Variants in PHLPP2 observed in about 807,000 individuals in gnomAD.
The protein encoded by PHLPP2 is PH domain leucine-rich repeat-containing protein phosphatase 2.
PHLPP2 carries 66 observed loss-of-function variants against 124.9 expected under a neutral mutation model. The observed-to-expected ratio is 0.53, with a 90% CI of 0.43 to 0.65. The LOEUF (loss-of-function observed/expected upper bound fraction) is 0.65, where lower values mean the gene tolerates loss of function less well. Among genes scored for constraint, PHLPP2 ranks in the 30% least tolerant of loss-of-function variants. The probability of loss-of-function intolerance (pLI) is 0.00; values close to 1 mark genes in which losing one functional copy is unlikely to be tolerated. For synonymous variants in PHLPP2, 681 were observed against 624.7 expected (o/e 1.09, Z -1.34); for missense variants, 1,685 against 1,600.4 (o/e 1.05, Z -0.90).
At chr16:71,675,226 G>A (rs1329437746) in intron 9 of PHLPP2, among the ~76,000 whole-genome samples, 1 of 152,072 alleles carries the variant, frequency 6.6e-6, no homozygotes, top group Admixed American at 6.6e-5. Flanking sequence ...CTCGCCTCTG[G>A]AAACACTCAG....
intron 1 of PHLPP2, among the ~76,000 whole-genome samples, chr16:71,717,805 C>CA (rs931682434): frequency 9.2e-5 from 14 of 152,098 alleles, no homozygotes; most frequent in African/African-American, 2.9e-4. Flanking sequence ...TTCACACAAA[C>CA]AAAAAAGTCG....
Position 71,649,954 on chromosome 16 carries a change from A to T in PHLPP2, c.2908T>A (p.Ser970Thr). Residue 970 changes from serine to threonine, a missense_variant, in exon 19 of 19, where the codon TCC becomes ACC. Physicochemically the swap from Ser to Thr is moderately conservative, Grantham distance 58. Transcript: ENST00000568954. ...PWILPKPHIS[S>T]TPLTIQDELL... ...TCATCTTGAATGGTCAGCGGAGTGG[A>T]AGATATGTGGGGCTTGGGGAGGATC... 1 of 1,614,130 alleles carries T rather than the reference A, an allele frequency of 6.2e-7. No individual in the cohort carries two copies. The highest frequency in any genetic ancestry group is 8.5e-7 in the Non-Finnish European group (1 of 1,180,012).
chr16:71,690,290 G>A (rs548134019), intron 4 of PHLPP2, among the ~76,000 whole-genome samples: 2 of 152,314 alleles, frequency 1.3e-5, no homozygotes, highest in African/African-American at 2.4e-5. Context: ...GTGAGCCCCA[G>A]AATCTAATGC....
intron 4 of PHLPP2, among the ~76,000 whole-genome samples, chr16:71,687,851 C>A (rs946091832): frequency 1.3e-5 from 2 of 152,134 alleles, no homozygotes; most frequent in African/African-American, 4.8e-5. Context: ...CTCTAGAACT[C>A]CTATTAGATG....
intron 3 of PHLPP2, 125 bp from the exon 4 acceptor site, chr16:71,690,834 A>G (rs1297575014): frequency 1.5e-6 from 1 of 660,412 alleles, no homozygotes; most frequent in Admixed American, 3.0e-5. Flanking sequence ...ACCAAGCAAT[A>G]TAGTTAAGAC....
chr16:71,657,736 G>A (rs181244485), intron 15 of PHLPP2, among the ~76,000 whole-genome samples: 1 of 152,256 alleles, frequency 6.6e-6, no homozygotes, highest in Non-Finnish European at 1.5e-5. Context: ...GACTGACTAA[G>A]ATTCATTTCC....
chr16:71,690,440 A>G lies in PHLPP2; in HGVS notation c.609+79T>C. 3.1e-6 allele frequency: 3 copies of G among 979,082 alleles called. No homozygotes were observed. In the South Asian group the frequency reaches 4.7e-5, roughly 15 times the overall value. The allele number at this position is 979,082 out of a possible 1,614,324, so 60.6% of individuals were successfully genotyped here. A position where few individuals can be genotyped will look rare whatever the true frequency, so the allele number is the denominator to read the frequency against. Reference sequence around the variant, plus strand: ...TGGCTTCTTTGAAAAGATATGACTAAAAGCTATGAAAAGCATTATGTGATA... The same window carrying G: ...TGGCTTCTTTGAAAAGATATGACTAGAAGCTATGAAAAGCATTATGTGATA... On this transcript the variant is annotated intron_variant, in intron 4 of 18. Coordinates refer to ENST00000568954, the MANE Select transcript of PHLPP2 (RefSeq NM_015020.3).
chr16:71,719,399 G>A (rs1490763352), intron 1 of PHLPP2, among the ~76,000 whole-genome samples: 1 of 152,146 alleles, frequency 6.6e-6, no homozygotes, highest in Non-Finnish European at 1.5e-5. Context: ...TTACCCGGGG[G>A]TGGTGGCACG....
chr16:71,718,065 G>C (rs2045375022), intron 1 of PHLPP2, among the ~76,000 whole-genome samples: 1 of 151,878 alleles, frequency 6.6e-6, no homozygotes, highest in South Asian at 2.1e-4. Context: ...CTAATTTTTT[G>C]TATGTTTTTA....
At chr16:71,716,204 G>A (rs548414266) in intron 1 of PHLPP2, among the ~76,000 whole-genome samples, 4 of 152,204 alleles carry the variant, frequency 2.6e-5, no homozygotes, top group Admixed American at 2.6e-4. Context: ...CCACTCTCCT[G>A]TTGACAGCAT....
intron 2 of PHLPP2, among the ~76,000 whole-genome samples, chr16:71,706,200 C>T (rs996371015): frequency 1.3e-5 from 2 of 152,208 alleles, no homozygotes; most frequent in African/African-American, 2.4e-5. Flanking sequence ...GCTTCAAATG[C>T]TTGTGAGACC....
intron 10 of PHLPP2, among the ~76,000 whole-genome samples, chr16:71,670,150 GCA>G (rs1283802413): frequency 6.6e-6 from 1 of 152,218 alleles, no homozygotes; most frequent in African/African-American, 2.4e-5. Context: ...ATGAGCTAGA[GCA>G]CAGAGGCAAG....
intron 8 of PHLPP2, 21 bp from the exon 9 acceptor site, chr16:71,676,670 A>G (rs759989704): frequency 2.7e-6 from 4 of 1,492,140 alleles, no homozygotes; most frequent in Non-Finnish European, 3.7e-6. Context: ...AGAAACAAGA[A>G]AATAATCATA....
At position 71,687,085 on chromosome 16, in the gene PHLPP2, G is replaced by C. The variant is rs563119163; in HGVS notation, c.610-2484C>G. ...GTTGCTCCGCATCTTTGCCAAACTT[G>C]TTATTCATCAGTCTTTTAATTTCAG... is the stretch of plus-strand genomic sequence containing the variant. On this transcript the variant is annotated intron_variant, in intron 4 of 18. Coordinates refer to ENST00000568954, the MANE Select transcript of PHLPP2 (RefSeq NM_015020.3). 3.9e-5 allele frequency among the ~76,000 whole-genome samples: 6 copies of C among 152,288 alleles called. No individual in the cohort carries two copies. In the South Asian group the frequency reaches 8.3e-4, roughly 21 times the overall value.
At chr16:71,705,155 A>T (rs540464254) in intron 2 of PHLPP2, among the ~76,000 whole-genome samples, 123 of 152,300 alleles carry the variant, frequency 8.1e-4, no homozygotes, top group Middle Eastern at 3.4e-3. Flanking sequence ...GACATTTTAG[A>T]AGAAACACCT....
In PHLPP2 at chr16:71,649,453, T is replaced by C. The variant is rs754139385; in HGVS notation, c.3409A>G (p.Thr1137Ala). The C allele has an allele frequency of 6.2e-7, 1 of 1,614,084 alleles. No homozygotes were observed. Residue 1137 changes from threonine to alanine, a missense_variant, in exon 19 of 19, where the codon ACC becomes GCC. By Grantham distance (58) the Thr-to-Ala change is moderately conservative. Coordinates refer to ENST00000568954, the MANE Select transcript of PHLPP2 (RefSeq NM_015020.3). ...GLFQRQPSSA[T>A]FSSNQSDNGL... is the part of the protein sequence containing the mutation. ...TTGTCAGACTGGTTACTGGAGAAGG[T>C]AGCAGAAGAAGGCTGGCGCTGAAAC...
At chr16:71,677,109 T>C in intron 8 of PHLPP2, 1 of 62,808 alleles carries the variant, frequency 1.6e-5, no homozygotes, top group Non-Finnish European at 3.0e-5. Context: ...AGGTACTATA[T>C]AAATAATTAG....
chr16:71,683,251 C>A (rs1460362808), intron 5 of PHLPP2, among the ~76,000 whole-genome samples: 1 of 152,018 alleles, frequency 6.6e-6, no homozygotes. Flanking sequence ...CAAAATCCTG[C>A]AAAGATGGCT....
intron 3 of PHLPP2, among the ~76,000 whole-genome samples, chr16:71,699,673 T>C (rs1187409188): frequency 6.6e-6 from 1 of 152,220 alleles, no homozygotes; most frequent in Non-Finnish European, 1.5e-5. Context: ...ACTGGCCCTT[T>C]ACCCTCACTG....
Sources: gnomAD v4.1 joint callset for allele counts (sites outside exome capture counted in the v4.1 genomes callset) on GRCh38, gnomAD v4.1.1 for gene constraint, MANE v1.5 for transcripts, NCBI Gene and HGNC (gene_info 2026-07-23, HGNC 2026-07-21) for gene names.